CD63: variants seen among roughly 807,000 people sequenced by gnomAD.
CD63 encodes the protein CD63 molecule, also known as CD63 antigen.
CD63 carries 16 observed loss-of-function variants against 29.2 expected under a neutral mutation model. The observed-to-expected ratio is 0.55, with a 90% confidence interval of 0.37 to 0.83. The LOEUF is 0.83. Ranked by LOEUF, CD63 falls within the 40% of genes least tolerant of loss-of-function variation. CD63 has a pLI of 0.00. For synonymous variants in CD63, 118 were observed against 111.7 expected (o/e 1.06, Z -0.36); for missense variants, 251 against 297.3 (o/e 0.84, Z 1.15).
rs907538424 is a variant in CD63 at position 55,728,836 on chromosome 12, G to A, written c.-12+117C>T. 2.0e-6 allele frequency: 2 copies of A among 990,882 alleles called. No individual in the cohort carries two copies. The highest frequency in any genetic ancestry group is 1.8e-5 in the African/African-American group (1 of 57,088). The allele number at this position is 990,882 out of a possible 1,614,324, so 61.4% of individuals were successfully genotyped here. A position where few individuals can be genotyped will look rare whatever the true frequency, so the allele number is the denominator to read the frequency against. On this transcript the variant is annotated intron_variant, in intron 1 of 7. Coordinates refer to ENST00000257857, the MANE Select transcript of CD63 (RefSeq NM_001780.6). The surrounding 1 kb of genome is among the most constrained non-coding windows in gnomAD (Gnocchi z 4.8). ...GGAACTTCGAAGCAAAGTTGCTCCA[G>A]GGCGGCTGGAGAGCGCCGGACGAGT...
downstream of CD63, chr12:55,723,882 C>G (rs771420681): frequency 2.5e-6 from 4 of 1,613,430 alleles, no homozygotes; most frequent in African/African-American, 5.3e-5. Context: ...TGCCCCGACT[C>G]TAGGCGGGAT....
rs1439763175 is a variant in CD63 at position 55,728,674 on chromosome 12, C to T, written c.-12+279G>A. 1.7e-6 allele frequency: 2 copies of T among 1,197,802 alleles called. No individual in the cohort carries two copies. Among genetic ancestry groups the T allele is most frequent in the Non-Finnish European group, 2.1e-6 (2 of 959,120 alleles). 74.2% of individuals were successfully genotyped at this position (1,197,802 alleles called of 1,614,324 possible). ...CGTCAAACACCCTTTCCCCACCCAACACCCAGCCTGGAGAAACGGTCTTCA... is the reference window on the plus strand; with the variant it reads ...CGTCAAACACCCTTTCCCCACCCAATACCCAGCCTGGAGAAACGGTCTTCA... On this transcript the variant is annotated intron_variant, in intron 1 of 7. Coordinates refer to ENST00000257857, the MANE Select transcript of CD63 (RefSeq NM_001780.6). This position sits in a 1 kb window ranked among gnomAD's most constrained non-coding sequence, Gnocchi z 4.8.
At chr12:55,727,573 C>T (rs576005747) in intron 2 of CD63, 556 of 1,303,946 alleles carry the variant, frequency 4.3e-4, no homozygotes, top group Non-Finnish European at 5.2e-4. Flanking sequence ...ATTCAAAAAC[C>T]TCCCAGAAAG....
At chr12:55,729,684 G>T (rs1432990828), upstream of CD63, 1 of 152,234 alleles carries the variant, frequency 6.6e-6, no homozygotes, top group East Asian at 1.9e-4. Flanking sequence ...GAGAAAAGGG[G>T]AGGAAGCCCT....
rs1877606307 is a variant in CD63, at chr12:55,728,003, C to T, written c.66+273G>A. The T allele has an allele frequency of 9.8e-7, 1 of 1,017,548 alleles. No individual in the cohort carries two copies. The highest frequency in any genetic ancestry group is 3.3e-5 in the Admixed American group (1 of 30,100). The allele number at this position is 1,017,548 out of a possible 1,614,324, so 63.0% of individuals were successfully genotyped here. On this transcript the variant is annotated intron_variant, in intron 2 of 7. Transcript: ENST00000257857. This position sits in a 1 kb window ranked among gnomAD's most constrained non-coding sequence, Gnocchi z 4.8. ...GGCGGTTGGCTGGTTGCCCCACTGC[C>T]CCATATCACAAGTGGTTGGGTCACC...
Position 55,726,979 on chromosome 12 carries a change from G to T in CD63, c.256-15C>A. 1 of 1,613,378 alleles carries T rather than the reference G, an allele frequency of 6.2e-7. No homozygotes were observed. Among genetic ancestry groups the T allele is most frequent in the Non-Finnish European group, 8.5e-7 (1 of 1,179,650 alleles). ...AAGATGGCAAACTGCAGGAGCAAAG[G>T]ACAGAAGTCAAGTTTGGAGTCTATG... On this transcript the variant is annotated splice_polypyrimidine_tract_variant and intron_variant, in intron 3 of 7. Coordinates refer to ENST00000257857, the MANE Select transcript of CD63 (RefSeq NM_001780.6).
downstream of CD63, chr12:55,723,926 G>C: frequency 1.9e-6 from 3 of 1,614,132 alleles, no homozygotes; most frequent in Non-Finnish European, 2.5e-6. Context: ...CTCCATCGTG[G>C]AGCCTGGCTT....
Position 55,726,765 on chromosome 12 carries a change from G to A in CD63, c.361C>T (p.Gln121Ter). 1 of 1,614,038 alleles carries A rather than the reference G, an allele frequency of 6.2e-7. No homozygotes were observed. The highest frequency in any genetic ancestry group is 8.5e-7 in the Non-Finnish European group (1 of 1,179,916). The part of the protein sequence containing the change: ...VMSEFNNNFR[Q>*]QMENYPKNNH... ...TTTTTCGGGTAATTCTCCATCTGCT[G>A]CCGGAAGTTGTTATTAAACTCTGAC... The change falls in exon 5 of 8, where the codon CAG becomes TAG. Residue 121 changes from glutamine (Q) to a stop codon, truncating the protein, a stop_gained. Transcript: ENST00000257857. LOFTEE classifies it high-confidence loss of function.
At chr12:55,724,180 G>A, downstream of CD63, 2 of 1,453,470 alleles carry the variant, frequency 1.4e-6, no homozygotes, top group Non-Finnish European at 1.9e-6. Context: ...TGTTACAAGA[G>A]TGCCCAGGCC....
chr12:55,723,822 T>C (rs1877048218), downstream of CD63: 3 of 1,584,866 alleles, frequency 1.9e-6, no homozygotes, highest in South Asian at 2.2e-5. Flanking sequence ...CCCCAACCCA[T>C]GTCCCTCAAA....
chr12:55,724,063 C>T (rs1592524674), downstream of CD63: 1 of 1,605,602 alleles, frequency 6.2e-7, no homozygotes, highest in South Asian at 1.1e-5. Flanking sequence ...AGTAGCCAGG[C>T]CCACACAGGG....
downstream of CD63, chr12:55,724,468 G>C (rs111033593): frequency 2.5e-5 from 40 of 1,613,832 alleles, no homozygotes; most frequent in Non-Finnish European, 3.1e-5. Context: ...CTGGCTGCCT[G>C]CCTCCTACCT....
downstream of CD63, chr12:55,725,295 G>A (rs926025314): frequency 7.6e-6 from 4 of 529,784 alleles, no homozygotes; most frequent in Admixed American, 3.2e-5. Flanking sequence ...ACAGTCTCTG[G>A]ATCCTCACTT....
upstream of CD63, chr12:55,729,107 A>C (rs1479237741): frequency 1.0e-6 from 1 of 984,654 alleles, no homozygotes; most frequent in Non-Finnish European, 1.2e-6. Context: ...GGCCTCCCTC[A>C]TGTGACGCGG....
At position 55,727,352 on chromosome 12, in the gene CD63, C is replaced by A; in HGVS notation, c.67-13G>T. 6.2e-7 allele frequency: 1 copy of A among 1,608,530 alleles called. No homozygotes were observed. On this transcript the variant is annotated splice_polypyrimidine_tract_variant and intron_variant, in intron 2 of 7. Coordinates refer to ENST00000257857, the MANE Select transcript of CD63 (RefSeq NM_001780.6). Reference sequence around the variant, plus strand: ...CCACTGCACAGGCCTAAGAGAAAATCAGGTGAGGATTAGGCCATATCCACA... The same window carrying A: ...CCACTGCACAGGCCTAAGAGAAAATAAGGTGAGGATTAGGCCATATCCACA...
At position 55,725,804 on chromosome 12, in the gene CD63, A is replaced by C; in HGVS notation, c.651+9T>G. On this transcript the variant is annotated intron_variant, in intron 7 of 7. Coordinates refer to ENST00000257857, the MANE Select transcript of CD63 (RefSeq NM_001780.6). ...AGAGTCCCAGCCCCTGCTCAGGGTTATCTCTTACCTCGACAAAAGCAATTC... is the reference window on the plus strand; with the variant it reads ...AGAGTCCCAGCCCCTGCTCAGGGTTCTCTCTTACCTCGACAAAAGCAATTC... 6.2e-7 allele frequency: 1 copy of C among 1,613,178 alleles called. No individual in the cohort carries two copies. Among genetic ancestry groups the C allele is most frequent in the Non-Finnish European group, 8.5e-7 (1 of 1,179,216 alleles).
At position 55,725,507 on chromosome 12, in the gene CD63, C is replaced by CCTGGAGGAT; in HGVS notation, c.*45_*53dup. 1.4e-6 allele frequency: 2 copies of CCTGGAGGAT among 1,382,692 alleles called. No homozygotes were observed. The highest frequency in any genetic ancestry group is 2.1e-6 in the Non-Finnish European group (2 of 970,136). 85.7% of individuals were successfully genotyped at this position (1,382,692 alleles called of 1,614,324 possible). On this transcript the variant is annotated 3_prime_UTR_variant, in exon 8 of 8. Coordinates refer to ENST00000257857, the MANE Select transcript of CD63 (RefSeq NM_001780.6). ...AAAAATAATCCGTTTAATTGAAAAA[C>CCTGGAGGAT]CTGGAGGATACTATTCCACTCCCCC...
chr12:55,727,000 C>CTATGCATTACAGGGGCCCGT, intron 3 of CD63, 36 bp from the exon 4 acceptor site: 1 of 1,605,946 alleles, frequency 6.2e-7, no homozygotes, highest in Non-Finnish European at 8.5e-7. Flanking sequence ...AGTTTGGAGT[C>CTATGCATTACAGGGGCCCGT]TATGCATTAC....
Position 55,728,752 on chromosome 12 carries a change from G to A in CD63, c.-12+201C>T. ...CTTTCCCCTGGGCTCTGACCTCCCC[G>A]CCCACCAAAAAAAAAAAAAGTGCAG... On this transcript the variant is annotated intron_variant, in intron 1 of 7. Coordinates refer to ENST00000257857, the MANE Select transcript of CD63 (RefSeq NM_001780.6). This position sits in a 1 kb window ranked among gnomAD's most constrained non-coding sequence, Gnocchi z 4.8. 1.5e-6 allele frequency: 1 copy of A among 677,580 alleles called. No homozygotes were observed. The highest frequency in any genetic ancestry group is 2.1e-4 in the East Asian group (1 of 4,834). 42.0% of individuals were successfully genotyped at this position (677,580 alleles called of 1,614,324 possible).
Sources: allele counts gnomAD v4.1 joint callset, GRCh38; gene constraint gnomAD v4.1.1; non-coding constraint Gnocchi (gnomAD v3.1); transcripts MANE v1.5; gene names NCBI Gene and HGNC (gene_info 2026-07-23, HGNC 2026-07-21).